Variants in TNS1 observed in about 807,000 individuals in gnomAD.
The protein encoded by TNS1 is tensin 1, also known as tensin-1.
A neutral mutation model predicts 168.6 loss-of-function variants in TNS1; 62 were observed. That is an observed-to-expected ratio of 0.37 (90% CI 0.30 to 0.45). The LOEUF is 0.45. Among genes scored for constraint, TNS1 ranks in the 20% least tolerant of loss-of-function variants. The pLI is 1.00. For missense variants in TNS1, 2,240 were observed against 2,339.4 expected, an observed-to-expected ratio of 0.96 and a Z score of 0.88; for synonymous variants, 934 against 933.2, an observed-to-expected ratio of 1.00 and a Z score of -0.02.
intron 21 of TNS1, 53 bp from the exon 22 acceptor site, chr2:217,831,600 C>T (rs1944432592): frequency 2.9e-6 from 4 of 1,376,872 alleles, no homozygotes; most frequent in Admixed American, 6.2e-5. Flanking sequence ...GGCAGGAGGG[C>T]AGACACGCCA....
At chr2:217,862,841 G>A (rs1280235987) in intron 18 of TNS1, among the ~76,000 whole-genome samples, 1 of 152,218 alleles carries the variant, frequency 6.6e-6, no homozygotes, top group Non-Finnish European at 1.5e-5. Context: ...ATGTCTGCAG[G>A]TCTAGCTGTG....
Position 217,813,583 on chromosome 2 carries a change from A to C in TNS1, c.4861+102T>G, listed in dbSNP as rs1290497006. 4.7e-6 allele frequency: 7 copies of C among 1,479,734 alleles called. No homozygotes were observed. The African/African-American group carries it at 9.9e-5, about 21-fold the overall frequency. 91.7% of individuals were successfully genotyped at this position (1,479,734 alleles called of 1,614,324 possible). ...ACCCTCTTCCGAAGAGCCTGATGGG[A>C]GTTAAGGTCCTGCCCAGCACCCTGG... is the stretch of plus-strand genomic sequence containing the variant. On this transcript the variant is annotated intron_variant, in intron 26 of 32. Coordinates refer to ENST00000682258, the MANE Select transcript of TNS1 (RefSeq NM_001387777.1). The surrounding 1 kb of genome is among the most constrained non-coding windows in gnomAD (Gnocchi z 4.0).
intron 29 of TNS1, 120 bp downstream of exon 29, chr2:217,810,128 T>G (rs1014026782): frequency 2.1e-6 from 3 of 1,438,590 alleles, no homozygotes; most frequent in East Asian, 2.3e-5. Context: ...CATAGAAATG[T>G]GATCTTCCCA....
At chr2:217,901,263 C>T (rs1380889357) in intron 6 of TNS1, among the ~76,000 whole-genome samples, 1 of 152,188 alleles carries the variant, frequency 6.6e-6, no homozygotes, top group African/African-American at 2.4e-5. Flanking sequence ...GCTGGGCAGC[C>T]CTGCCAGTTA....
intron 7 of TNS1, among the ~76,000 whole-genome samples, chr2:217,899,509 A>G (rs556095030): frequency 1.3e-5 from 2 of 152,174 alleles, no homozygotes; most frequent in East Asian, 3.9e-4. Context: ...CCATCCTCCA[A>G]AACCCCTCTC....
chr2:217,998,481 C>A (rs992278350), intron 1 of TNS1, among the ~76,000 whole-genome samples: 1 of 152,178 alleles, frequency 6.6e-6, no homozygotes, highest in African/African-American at 2.4e-5. Flanking sequence ...TGACGCCCTG[C>A]GCTGGAGTGA....
Position 217,808,587 on chromosome 2 carries a change from T to C in TNS1, c.5342+16A>G. 6.2e-7 allele frequency: 1 copy of C among 1,613,400 alleles called. No individual in the cohort carries two copies. The highest frequency in any genetic ancestry group is 8.5e-7 in the Non-Finnish European group (1 of 1,179,356). Reference sequence around the variant, plus strand: ...AGAAAGCTGTGTGGGAGAGAAGCTGTGTACAAGAGACTTACTTTCTTTCCT... The same window carrying C: ...AGAAAGCTGTGTGGGAGAGAAGCTGCGTACAAGAGACTTACTTTCTTTCCT... On this transcript the variant is annotated intron_variant, in intron 31 of 32. Coordinates refer to ENST00000682258, the MANE Select transcript of TNS1 (RefSeq NM_001387777.1).
At chr2:218,025,979 T>C (rs1958847393) in intron 1 of TNS1, among the ~76,000 whole-genome samples, 1 of 152,308 alleles carries the variant, frequency 6.6e-6, no homozygotes, top group Admixed American at 6.5e-5. Context: ...CAGGTTACAT[T>C]GCGGTGTGAG....
rs2571442 is a variant in TNS1 at position 217,818,534 on chromosome 2, A to G, written c.3798T>C (p.Ala1266=). The G allele has an allele frequency of 0.41, 658,410 of 1,614,010 alleles. 135,486 individuals are homozygous for G. Among genetic ancestry groups the G allele is most frequent in the Middle Eastern group, 0.5 (3,037 of 6,062 alleles). ...CGCCAGCCACACTGAACTGAGCTCG[A>G]GCCTGGCTTTCCGGAGAGGAGCTGA... is the stretch of plus-strand genomic sequence containing the variant. The part of the protein sequence containing the change: ...QHFSSSPESQ[A]RAQFSVAGVH... Residue 1266 remains alanine (A), a synonymous_variant, in exon 24 of 33, where the codon GCT becomes GCC. Transcript: ENST00000682258.
In TNS1 at chr2:217,829,773, CTCT is replaced by C. The variant is rs1308176297; in HGVS notation, c.3373+1679_3373+1681del. The C allele has an allele frequency of 3.1e-5, 48 of 1,533,660 alleles. No individual in the cohort carries two copies. In the South Asian group the frequency reaches 5.4e-4, roughly 17 times the overall value. On this transcript the variant is annotated intron_variant, in intron 22 of 32. Transcript: ENST00000682258. The stretch of plus-strand genomic sequence containing the variant: ...GGAAAGAGAGCTGCCTCCAGCCAGC[CTCT>C]TCAAGCCCTGCTTTGAAAAGCCATT...
chr2:217,862,552 C>T (rs376451835), intron 18 of TNS1, among the ~76,000 whole-genome samples: 2 of 152,208 alleles, frequency 1.3e-5, no homozygotes, highest in South Asian at 2.1e-4. Context: ...CACATGGCAC[C>T]GCACTGTGGG....
At chr2:217,842,550 C>T (rs1327814809) in intron 19 of TNS1, among the ~76,000 whole-genome samples, 4 of 152,184 alleles carry the variant, frequency 2.6e-5, no homozygotes, top group African/African-American at 7.2e-5. Flanking sequence ...CTTTCCATGG[C>T]CACTGCCCAG....
At chr2:217,815,650 C>G (rs761139678) in intron 24 of TNS1, among the ~76,000 whole-genome samples, 2 of 152,206 alleles carry the variant, frequency 1.3e-5, no homozygotes, top group Non-Finnish European at 2.9e-5. Context: ...TTCCTCCACC[C>G]CGTGTCCCCC....
chr2:217,999,642 GC>G (rs1368711593), intron 1 of TNS1, among the ~76,000 whole-genome samples: 2 of 152,188 alleles, frequency 1.3e-5, no homozygotes, highest in South Asian at 4.1e-4. Flanking sequence ...CAGTCAGGAG[GC>G]CCTTACAGGT....
At chr2:217,978,066 C>T (rs1957938385) in intron 3 of TNS1, among the ~76,000 whole-genome samples, 2 of 152,144 alleles carry the variant, frequency 1.3e-5, no homozygotes, top group South Asian at 4.1e-4. Flanking sequence ...ATATATGACT[C>T]CTGTGTCCAA....
chr2:217,970,755 A>G (rs944182070), intron 3 of TNS1, among the ~76,000 whole-genome samples: 4 of 152,198 alleles, frequency 2.6e-5, no homozygotes, highest in Non-Finnish European at 5.9e-5. Flanking sequence ...GCTAAAGGGT[A>G]CAGGGTTTCT....
At chr2:217,988,323 C>T (rs1363553052) in intron 2 of TNS1, among the ~76,000 whole-genome samples, 1 of 152,184 alleles carries the variant, frequency 6.6e-6, no homozygotes, top group Admixed American at 6.5e-5. Flanking sequence ...GGGGTCAAAT[C>T]CTCTCCTCAA....
At chr2:217,827,428 C>A (rs1943775908) in intron 22 of TNS1, among the ~76,000 whole-genome samples, 1 of 152,092 alleles carries the variant, frequency 6.6e-6, no homozygotes, top group African/African-American at 2.4e-5. Flanking sequence ...AAAGAATGAG[C>A]TTTAGTCTGA....
chr2:217,855,341 G>A (rs564800500), intron 18 of TNS1, among the ~76,000 whole-genome samples: 14 of 152,258 alleles, frequency 9.2e-5, no homozygotes, highest in African/African-American at 3.4e-4. Flanking sequence ...AACCTCCTGG[G>A]CAAATGCTTT....
Sources: gnomAD v4.1 joint callset for allele counts (sites outside exome capture counted in the v4.1 genomes callset) on GRCh38, gnomAD v4.1.1 for gene constraint, Gnocchi (gnomAD v3.1) non-coding constraint, MANE v1.5 for transcripts, NCBI Gene and HGNC (gene_info 2026-07-23, HGNC 2026-07-21) for gene names.